The following IQCM variants were observed in gnomAD, a reference collection of about 807,000 sequenced individuals.
The protein encoded by IQCM is IQ motif containing M.
Under a neutral mutation model 57.6 loss-of-function variants are expected in IQCM, and 45 were observed. That is an observed-to-expected ratio of 0.78 (90% CI 0.62 to 1.00). IQCM has a LOEUF of 1.00. IQCM is among the 50% of genes least tolerant of loss of function. The pLI, the probability that IQCM is intolerant of heterozygous loss-of-function variation, is 0.00. For synonymous variants in IQCM, 148 were observed against 158.9 expected, an observed-to-expected ratio of 0.93 and a Z score of 0.51; for missense variants, 468 against 511.6, an observed-to-expected ratio of 0.91 and a Z score of 0.82.
At chr4:149,489,242 A>T (rs562109045) in intron 12 of IQCM, among the ~76,000 whole-genome samples, 6 of 152,254 alleles carry the variant, frequency 3.9e-5, no homozygotes, top group South Asian at 4.1e-4. Context: ...GCATTTTTTT[A>T]AAATTTCGAA....
chr4:149,463,364 A>T (rs1253234174), intron 12 of IQCM, among the ~76,000 whole-genome samples: 1 of 152,224 alleles, frequency 6.6e-6, no homozygotes, highest in Non-Finnish European at 1.5e-5. Flanking sequence ...TAACACTAGC[A>T]ATCAAGGGGT....
At chr4:149,807,927 G>A (rs1372424744) in intron 2 of IQCM, among the ~76,000 whole-genome samples, 1 of 152,042 alleles carries the variant, frequency 6.6e-6, no homozygotes, top group Non-Finnish European at 1.5e-5. Context: ...ACAAACGCTG[G>A]TGATGACGTG....
At chr4:149,775,785 A>G (rs181636056) in intron 2 of IQCM, among the ~76,000 whole-genome samples, 23 of 152,332 alleles carry the variant, frequency 1.5e-4, no homozygotes, top group Admixed American at 1.3e-3. Context: ...TATCTATAGC[A>G]GGTTTAAATA....
At chr4:149,726,172 T>C (rs1765927182) in intron 5 of IQCM, among the ~76,000 whole-genome samples, 1 of 151,420 alleles carries the variant, frequency 6.6e-6, no homozygotes, top group Admixed American at 6.6e-5. Flanking sequence ...CATTTTTTCA[T>C]AGCAAACTAT....
At position 149,587,927 on chromosome 4, in the gene IQCM, T is replaced by C. The variant is rs910268752; in HGVS notation, c.749+3A>G. On this transcript the variant is annotated splice_donor_region_variant and intron_variant, in intron 9 of 13. Coordinates refer to ENST00000636793, the MANE Select transcript of IQCM (RefSeq NM_001363507.2). ...ACACTTTTCTATTATATAAAAGATA[T>C]ACCTGGGTTGTGATTTTGGTTCTGG... is the stretch of plus-strand genomic sequence containing the variant. 1.7e-5 allele frequency: 20 copies of C among 1,205,276 alleles called. No individual in the cohort carries two copies. In the African/African-American group the frequency reaches 2.7e-4, roughly 16 times the overall value. 74.7% of individuals were successfully genotyped at this position (1,205,276 alleles called of 1,614,324 possible). A position where few individuals can be genotyped will look rare whatever the true frequency, so the allele number is the denominator to read the frequency against.
chr4:149,644,091 G>T (rs1758433920), intron 7 of IQCM, among the ~76,000 whole-genome samples: 1 of 152,076 alleles, frequency 6.6e-6, no homozygotes, highest in Non-Finnish European at 1.5e-5. Context: ...TGGGCCAGTT[G>T]GTCACCCTAA....
At chr4:149,751,594 T>C (rs1193488441) in intron 2 of IQCM, among the ~76,000 whole-genome samples, 1 of 152,182 alleles carries the variant, frequency 6.6e-6, no homozygotes, top group African/African-American at 2.4e-5. Flanking sequence ...TAATAATCAT[T>C]GTATAATCTT....
At chr4:149,430,387 A>G (rs1342010450) in intron 13 of IQCM, among the ~76,000 whole-genome samples, 3 of 152,010 alleles carry the variant, frequency 2.0e-5, no homozygotes, top group Non-Finnish European at 4.4e-5. Context: ...AATAAACTGC[A>G]TAAAGTGTAC....
At chr4:149,598,843 T>G (rs1217865488) in intron 8 of IQCM, among the ~76,000 whole-genome samples, 1 of 152,170 alleles carries the variant, frequency 6.6e-6, no homozygotes, top group Non-Finnish European at 1.5e-5. Context: ...CTATGCTCAC[T>G]TGACAGCACA....
chr4:149,636,511 C>A (rs1466880092), intron 7 of IQCM, among the ~76,000 whole-genome samples: 1 of 152,098 alleles, frequency 6.6e-6, no homozygotes, highest in East Asian at 1.9e-4. Context: ...CAGAAGAACC[C>A]AGAGAAGTCT....
intron 2 of IQCM, among the ~76,000 whole-genome samples, chr4:149,803,610 G>T (rs1242185225): frequency 6.6e-6 from 1 of 151,930 alleles, no homozygotes; most frequent in Admixed American, 6.6e-5. Flanking sequence ...CTTCTAGAAT[G>T]CCTCATTTTT....
chr4:149,534,602 T>A (rs1405081227), intron 12 of IQCM, among the ~76,000 whole-genome samples: 1 of 152,096 alleles, frequency 6.6e-6, no homozygotes, highest in Non-Finnish European at 1.5e-5. Flanking sequence ...ACGAGAATAT[T>A]TTGAAAGAAT....
chr4:149,531,225 A>T (rs1746716952), intron 12 of IQCM, among the ~76,000 whole-genome samples: 1 of 152,258 alleles, frequency 6.6e-6, no homozygotes, highest in East Asian at 1.9e-4. Context: ...GCGTAAACTC[A>T]TCCCTTAAAA....
chr4:149,728,408 G>A (rs752091404), intron 5 of IQCM, among the ~76,000 whole-genome samples: 6 of 152,296 alleles, frequency 3.9e-5, no homozygotes, highest in Admixed American at 2.0e-4. Context: ...CAGGTTCCAC[G>A]AGGACACAAT....
chr4:149,588,803 C>T (rs1043528294), intron 8 of IQCM, among the ~76,000 whole-genome samples: 1 of 151,712 alleles, frequency 6.6e-6, no homozygotes, highest in Non-Finnish European at 1.5e-5. Context: ...TTATGGTATC[C>T]CTAACACACT....
At chr4:149,507,914 G>A (rs1271421869) in intron 12 of IQCM, among the ~76,000 whole-genome samples, 1 of 152,034 alleles carries the variant, frequency 6.6e-6, no homozygotes, top group Non-Finnish European at 1.5e-5. Flanking sequence ...GGCTGAGCCA[G>A]GGTCCCTCTG....
chr4:149,477,081 A>T (rs1356980826), intron 12 of IQCM, among the ~76,000 whole-genome samples: 1 of 152,154 alleles, frequency 6.6e-6, no homozygotes, highest in African/African-American at 2.4e-5. Context: ...CACCCCAAAG[A>T]TAAGAAATTA....
intron 7 of IQCM, among the ~76,000 whole-genome samples, chr4:149,667,368 G>T (rs1276189539): frequency 1.3e-5 from 2 of 152,046 alleles, no homozygotes; most frequent in African/African-American, 4.8e-5. Flanking sequence ...CTAACAAACA[G>T]AAAGGAAGAG....
intron 2 of IQCM, among the ~76,000 whole-genome samples, chr4:149,746,229 C>T (rs1767922661): frequency 6.6e-6 from 1 of 152,124 alleles, no homozygotes; most frequent in African/African-American, 2.4e-5. Flanking sequence ...TCACCCTTCC[C>T]CATTTCTCTG....
Sources: gnomAD v4.1 joint callset for allele counts (sites outside exome capture counted in the v4.1 genomes callset) on GRCh38, gnomAD v4.1.1 for gene constraint, MANE v1.5 for transcripts, NCBI Gene and HGNC (gene_info 2026-07-23, HGNC 2026-07-21) for gene names.